Variants in KCNH1 observed in about 807,000 individuals in gnomAD.
KCNH1 encodes the protein potassium voltage-gated channel subfamily H member 1.
Under a neutral mutation model 69.2 loss-of-function variants are expected in KCNH1, and 27 were observed. That is an observed-to-expected ratio of 0.39 (90% CI 0.29 to 0.54). KCNH1 has a LOEUF of 0.54. Among genes scored for constraint, KCNH1 ranks in the 20% least tolerant of loss-of-function variants. The pLI, the probability that KCNH1 is intolerant of heterozygous loss-of-function variation, is 0.68. For synonymous variants in KCNH1, 456 were observed against 487.7 expected (o/e 0.93, Z 0.86); for missense variants, 798 against 1,261.6 (o/e 0.63, Z 5.57).
chr1:210,839,375 C>CACGCTGGGGAACAACAA, intron 7 of KCNH1, among the ~76,000 whole-genome samples: 1 of 152,118 alleles, frequency 6.6e-6, no homozygotes, highest in East Asian at 1.9e-4. Context: ...CACATGGACA[C>CACGCTGGGGAACAACAA]ACGCTGGGGA....
chr1:210,746,992 T>G (rs569300683), intron 10 of KCNH1, among the ~76,000 whole-genome samples: 1 of 152,180 alleles, frequency 6.6e-6, no homozygotes, highest in Non-Finnish European at 1.5e-5. Flanking sequence ...TCCAGTAATA[T>G]AGTCAGAGTA....
At chr1:210,908,327 G>T (rs778184573) in intron 7 of KCNH1, among the ~76,000 whole-genome samples, 2 of 152,218 alleles carry the variant, frequency 1.3e-5, no homozygotes, top group Non-Finnish European at 2.9e-5. Context: ...GTTCAGAAAG[G>T]CTTTTGCTCA....
chr1:210,750,301 C>T (rs1004358919), intron 10 of KCNH1, among the ~76,000 whole-genome samples: 20 of 152,184 alleles, frequency 1.3e-4, no homozygotes, highest in African/African-American at 4.3e-4. Context: ...AAGCAGAGTA[C>T]AGACGCTAAC....
At chr1:211,036,068 C>T (rs574995401) in intron 5 of KCNH1, among the ~76,000 whole-genome samples, 9 of 152,308 alleles carry the variant, frequency 5.9e-5, no homozygotes, top group Admixed American at 5.9e-4. Flanking sequence ...AGGCTTTAAT[C>T]GGGTATTGCA....
chr1:210,992,543 A>AT (rs1688955796), intron 6 of KCNH1, among the ~76,000 whole-genome samples: 1 of 152,162 alleles, frequency 6.6e-6, no homozygotes, highest in Non-Finnish European at 1.5e-5. Context: ...ACACATTCAT[A>AT]TTTTTTATTT....
rs116207494 is a variant in KCNH1 at position 210,915,480 on chromosome 1, G to A, written c.1462+4160C>T. On this transcript the variant is annotated intron_variant, in intron 7 of 10. Transcript: ENST00000271751. Reference sequence around the variant, plus strand: ...TAGGAGAGATTACATGGGAGAAAATGAGTCCACACACCATACCTTATAGTC... The same window carrying A: ...TAGGAGAGATTACATGGGAGAAAATAAGTCCACACACCATACCTTATAGTC... 2.6e-3 allele frequency among the ~76,000 whole-genome samples: 398 copies of A among 152,168 alleles called. 3 individuals are homozygous for A. The highest frequency in any genetic ancestry group is 8.9e-3 in the African/African-American group (369 of 41,528).
chr1:211,074,526 T>C (rs1390993499), intron 5 of KCNH1, among the ~76,000 whole-genome samples: 1 of 152,212 alleles, frequency 6.6e-6, no homozygotes, highest in East Asian at 1.9e-4. Context: ...GATTTTCTTA[T>C]TGACTTATTT....
At chr1:211,126,996 G>C (rs1035763525) in intron 1 of KCNH1, among the ~76,000 whole-genome samples, 1 of 152,148 alleles carries the variant, frequency 6.6e-6, no homozygotes, top group East Asian at 1.9e-4. Flanking sequence ...TGGGTGAGGT[G>C]TTTATAAAGG....
At position 211,070,644 on chromosome 1, in the gene KCNH1, C is replaced by G. The variant is rs183644452; in HGVS notation, c.558+12136G>C. On this transcript the variant is annotated intron_variant, in intron 5 of 10. Transcript: ENST00000271751. Reference sequence around the variant, plus strand: ...TTGGAGACCAGCCCGGCCAACATGGCGAAACCCCGTCTCTACTAAAAATAC... The same window carrying G: ...TTGGAGACCAGCCCGGCCAACATGGGGAAACCCCGTCTCTACTAAAAATAC... Among the ~76,000 whole-genome samples, 3 of 150,894 alleles carry G rather than the reference C, an allele frequency of 2.0e-5. No homozygotes were observed. In the South Asian group the frequency reaches 6.3e-4, roughly 32 times the overall value.
intron 2 of KCNH1, among the ~76,000 whole-genome samples, chr1:211,104,263 T>C (rs1691314959): frequency 6.6e-6 from 1 of 152,196 alleles, no homozygotes; most frequent in Non-Finnish European, 1.5e-5. Context: ...GGGAGGGTTT[T>C]AAGCAAAGGA....
intron 5 of KCNH1, among the ~76,000 whole-genome samples, chr1:211,048,811 A>C (rs1690139947): frequency 1.3e-5 from 2 of 152,178 alleles, no homozygotes; most frequent in South Asian, 4.1e-4. Flanking sequence ...ATGTAACCAA[A>C]CACCACCTGT....
intron 7 of KCNH1, among the ~76,000 whole-genome samples, chr1:210,816,281 A>T (rs1684814062): frequency 6.6e-6 from 1 of 152,194 alleles, no homozygotes; most frequent in Non-Finnish European, 1.5e-5. Flanking sequence ...CGTGTTGGTG[A>T]ATGTCACTTA....
At chr1:210,718,014 C>T (rs1463236549) in intron 10 of KCNH1, among the ~76,000 whole-genome samples, 2 of 151,536 alleles carry the variant, frequency 1.3e-5, no homozygotes, top group African/African-American at 2.4e-5. Flanking sequence ...GGCGGAGGCC[C>T]GGGAATTGCT....
chr1:211,073,386 T>C (rs959577476), intron 5 of KCNH1, among the ~76,000 whole-genome samples: 31 of 152,324 alleles, frequency 2.0e-4, no homozygotes, highest in African/African-American at 7.2e-4. Context: ...ATAATGAACA[T>C]GTAGAGACTA....
chr1:210,859,976 C>T, intron 7 of KCNH1: 4 of 1,590,344 alleles, frequency 2.5e-6, no homozygotes, highest in Non-Finnish European at 3.4e-6. Context: ...CCTCTCTTGG[C>T]AGTCTTTCTA....
intron 7 of KCNH1, among the ~76,000 whole-genome samples, chr1:210,857,014 T>C (rs1201174463): frequency 1.3e-5 from 2 of 151,108 alleles, no homozygotes; most frequent in African/African-American, 4.9e-5. Flanking sequence ...CTCTCAGTTG[T>C]GACGCTCTAG....
intron 10 of KCNH1, among the ~76,000 whole-genome samples, chr1:210,696,248 A>G (rs1681636912): frequency 6.6e-6 from 1 of 152,038 alleles, no homozygotes; most frequent in African/African-American, 2.4e-5. Context: ...TGGAGCACCC[A>G]CTCACCAAAG....
At chr1:211,049,814 C>A (rs1690163074) in intron 5 of KCNH1, among the ~76,000 whole-genome samples, 1 of 152,124 alleles carries the variant, frequency 6.6e-6, no homozygotes, top group Non-Finnish European at 1.5e-5. Context: ...GAAGACCTGG[C>A]CAATCCACTA....
intron 5 of KCNH1, among the ~76,000 whole-genome samples, chr1:211,042,161 A>G (rs1239387486): frequency 3.9e-5 from 6 of 152,076 alleles, no homozygotes; most frequent in Non-Finnish European, 8.8e-5. Context: ...TTAGGTCTCA[A>G]ATTAAGTGTC....
Sources: gnomAD v4.1 joint callset for allele counts (sites outside exome capture counted in the v4.1 genomes callset) on GRCh38, gnomAD v4.1.1 for gene constraint, MANE v1.5 for transcripts, NCBI Gene and HGNC (gene_info 2026-07-23, HGNC 2026-07-21) for gene names.